NPFFR2: variants seen among roughly 807,000 people sequenced by gnomAD.
NPFFR2 encodes G-protein coupled receptor 74.
Under a neutral mutation model 13.1 loss-of-function variants are expected in NPFFR2, and 15 were observed. The observed-to-expected ratio is 1.15, with a 90% CI of 0.77 to 1.76. The LOEUF (loss-of-function observed/expected upper bound fraction) is 1.76, where lower values mean the gene tolerates loss of function less well. Among genes scored for constraint, NPFFR2 ranks in the 40% most tolerant of loss-of-function variants. The pLI is 0.00. For missense variants in NPFFR2, 572 were observed against 503.5 expected, an observed-to-expected ratio of 1.14 and a Z score of -1.30; for synonymous variants, 190 against 175.7, an observed-to-expected ratio of 1.08 and a Z score of -0.65.
intron 2 of NPFFR2, among the ~76,000 whole-genome samples, chr4:72,132,786 A>G (rs1266396517): frequency 1.3e-5 from 2 of 152,114 alleles, no homozygotes; most frequent in Non-Finnish European, 2.9e-5. Context: ...TGTTGGCCAC[A>G]TGTATGTCTT....
intron 1 of NPFFR2, among the ~76,000 whole-genome samples, chr4:72,094,257 A>G (rs79564850): frequency 0.029 from 4,434 of 152,194 alleles, 178 homozygotes; most frequent in African/African-American, 0.09. Flanking sequence ...AGTGGACTCC[A>G]TGAGAGTTCT....
chr4:72,050,624 A>T (rs1326913204), intron 1 of NPFFR2, among the ~76,000 whole-genome samples: 4 of 151,938 alleles, frequency 2.6e-5, no homozygotes, highest in African/African-American at 9.7e-5. Flanking sequence ...GTATTTTTTT[A>T]AATTATACTT....
rs1208594118 is a variant in NPFFR2 at position 72,147,695 on chromosome 4, A to G, written c.1146A>G (p.Glu382=). Residue 382 remains glutamate (E), a synonymous_variant, in exon 4 of 4, where the codon GAA becomes GAG. Coordinates refer to ENST00000308744, the MANE Select transcript of NPFFR2 (RefSeq NM_004885.3). ...LINTSNQLVQ[E]STFQNPHGET... ...ACACATCTAATCAGCTTGTCCAGGA[A>G]TCTACATTTCAAAACCCTCATGGGG... The G allele has an allele frequency of 6.2e-7, 1 of 1,614,058 alleles. No homozygotes were observed. The highest frequency in any genetic ancestry group is 2.2e-5 in the East Asian group (1 of 44,874).
In NPFFR2 at chr4:72,147,674, A is replaced by C; in HGVS notation, c.1125A>C (p.Thr375=). Reference sequence around the variant, plus strand: ...CTAAAAGCCATGTGCTCATAAACACATCTAATCAGCTTGTCCAGGAATCTA... The same window carrying C: ...CTAAAAGCCATGTGCTCATAAACACCTCTAATCAGCTTGTCCAGGAATCTA... ...LKAKSHVLIN[T]SNQLVQESTF... The change falls in exon 4 of 4, where the codon ACA becomes ACC. Residue 375 remains threonine (T), a synonymous_variant. Transcript: ENST00000308744. The C allele has an allele frequency of 6.2e-7, 1 of 1,614,158 alleles. No homozygotes were observed. The highest frequency in any genetic ancestry group is 8.5e-7 in the Non-Finnish European group (1 of 1,180,030).
chr4:72,099,176 T>C (rs983866004), intron 1 of NPFFR2, among the ~76,000 whole-genome samples: 5 of 152,168 alleles, frequency 3.3e-5, no homozygotes, highest in Admixed American at 6.5e-5. Flanking sequence ...CAAGAAAGCA[T>C]AACAATCACA....
intron 1 of NPFFR2, among the ~76,000 whole-genome samples, chr4:72,127,457 G>A (rs1411288546): frequency 4.9e-5 from 6 of 121,708 alleles, no homozygotes; most frequent in Admixed American, 9.0e-5. Context: ...TCCGCCTCCC[G>A]GGTTCACGCC....
chr4:72,131,969 G>GACA (rs1469577722), intron 2 of NPFFR2, among the ~76,000 whole-genome samples: 3 of 108,228 alleles, frequency 2.8e-5, no homozygotes, highest in African/African-American at 1.4e-4. Flanking sequence ...TGTACAAATT[G>GACA]ATAATTATTG....
intron 1 of NPFFR2, among the ~76,000 whole-genome samples, chr4:72,048,227 C>A (rs888946225): frequency 6.6e-6 from 1 of 152,074 alleles, no homozygotes; most frequent in Non-Finnish European, 1.5e-5. Context: ...AGTTCAGTTT[C>A]TTCTTCCCAA....
chr4:72,128,044 A>G (rs1027831195), intron 1 of NPFFR2, among the ~76,000 whole-genome samples: 2 of 152,102 alleles, frequency 1.3e-5, no homozygotes, highest in Non-Finnish European at 2.9e-5. Context: ...GTGCCACTGC[A>G]CTCCCATCCA....
At chr4:72,113,678 C>T (rs935602626) in intron 1 of NPFFR2, among the ~76,000 whole-genome samples, 1 of 152,068 alleles carries the variant, frequency 6.6e-6, no homozygotes, top group African/African-American at 2.4e-5. Flanking sequence ...AAAGCTTTAC[C>T]AGTTCTGAAA....
intron 2 of NPFFR2, among the ~76,000 whole-genome samples, chr4:72,134,845 C>A (rs1232462216): frequency 6.6e-6 from 1 of 152,004 alleles, no homozygotes; most frequent in Non-Finnish European, 1.5e-5. Flanking sequence ...TCTGGGATAC[C>A]CCTTCACTGA....
chr4:72,082,377 A>G (rs1720650980), intron 1 of NPFFR2, among the ~76,000 whole-genome samples: 1 of 152,204 alleles, frequency 6.6e-6, no homozygotes, highest in Non-Finnish European at 1.5e-5. Flanking sequence ...CATTCCAATC[A>G]GGCTGTCTGC....
At chr4:72,066,924 T>G (rs1308048571) in intron 1 of NPFFR2, among the ~76,000 whole-genome samples, 1 of 152,168 alleles carries the variant, frequency 6.6e-6, no homozygotes, top group African/African-American at 2.4e-5. Flanking sequence ...CTAGGCTCTC[T>G]GAGGTGGCTC....
In NPFFR2 at chr4:72,128,642, G is replaced by A. The variant is rs1415011451; in HGVS notation, c.51G>A (p.Trp17Ter). 1 of 1,613,208 alleles carries A rather than the reference G, an allele frequency of 6.2e-7. No individual in the cohort carries two copies. The highest frequency in any genetic ancestry group is 8.5e-7 in the Non-Finnish European group (1 of 1,179,258). Residue 17 changes from tryptophan to a stop codon, truncating the protein, a stop_gained, in exon 2 of 4, where the codon TGG becomes TGA. Coordinates refer to ENST00000308744, the MANE Select transcript of NPFFR2 (RefSeq NM_004885.3). LOFTEE classifies it high-confidence loss of function. Reference sequence around the variant, plus strand: ...CTTCAGAAAACTGGCATCCCATCTGGAATGTCAATGACACAAAGCATCATC... The same window carrying A: ...CTTCAGAAAACTGGCATCCCATCTGAAATGTCAATGACACAAAGCATCATC... ...TNSSENWHPIWNVNDTKHHLY... is the reference protein window; with the variant it reads ...TNSSENWHPI
At chr4:72,144,822 C>T (rs1383790707) in intron 3 of NPFFR2, among the ~76,000 whole-genome samples, 2 of 152,284 alleles carry the variant, frequency 1.3e-5, no homozygotes, top group African/African-American at 4.8e-5. Flanking sequence ...ACTTTGCTGG[C>T]ACTCTCCAAA....
chr4:72,061,624 T>G (rs948963399), intron 1 of NPFFR2, among the ~76,000 whole-genome samples: 2 of 152,158 alleles, frequency 1.3e-5, no homozygotes, highest in Non-Finnish European at 2.9e-5. Flanking sequence ...ACATATGTAT[T>G]TCTTTGCAGG....
chr4:72,075,633 T>G (rs1328528784), intron 1 of NPFFR2, among the ~76,000 whole-genome samples: 1 of 152,042 alleles, frequency 6.6e-6, no homozygotes, highest in Admixed American at 6.6e-5. Flanking sequence ...AGGATACACA[T>G]TCTTCTCAGG....
rs146954741 is a variant in NPFFR2 at position 72,057,293 on chromosome 4, TATC to T, written c.-8+25099_-8+25101del. Among the ~76,000 whole-genome samples, 1,071 of 152,106 alleles carry T rather than the reference TATC, an allele frequency of 7.0e-3. 24 individuals are homozygous for T. Among genetic ancestry groups the T allele is most frequent in the East Asian group, 0.045 (231 of 5,166 alleles). On this transcript the variant is annotated intron_variant, in intron 1 of 3. Transcript: ENST00000308744. ...TGAGTTTCCTAGGGCTGCTATAACG[TATC>T]ATCATAAATGTGGTGGCTTAAAACA... is the stretch of plus-strand genomic sequence containing the variant.
chr4:72,124,327 G>A (rs368208881), intron 1 of NPFFR2, among the ~76,000 whole-genome samples: 1 of 152,020 alleles, frequency 6.6e-6, no homozygotes, highest in East Asian at 1.9e-4. Context: ...CCTGACAAAA[G>A]TATTTTATAG....
Sources: gnomAD v4.1 joint callset for allele counts (sites outside exome capture counted in the v4.1 genomes callset) on GRCh38, gnomAD v4.1.1 for gene constraint, MANE v1.5 for transcripts, NCBI Gene and HGNC (gene_info 2026-07-23, HGNC 2026-07-21) for gene names.